The following PPP3R1 variants were observed in gnomAD, a reference collection of about 807,000 sequenced individuals.
PPP3R1 encodes calcineurin subunit B type 1.
A neutral mutation model predicts 22.6 loss-of-function variants in PPP3R1; 5 were observed. The observed-to-expected ratio is 0.22, with a 90% CI of 0.12 to 0.46. The LOEUF is 0.46. Ranked by LOEUF, PPP3R1 falls within the 20% of genes least tolerant of loss-of-function variation. PPP3R1 has a pLI of 0.99. For missense variants in PPP3R1, 61 were observed against 203.2 expected (o/e 0.30, Z 4.25); for synonymous variants, 56 against 65.2 (o/e 0.86, Z 0.68).
chr2:68,198,166 TATAC>T (rs1205642235), intron 2 of PPP3R1, among the ~76,000 whole-genome samples: 1 of 140,616 alleles, frequency 7.1e-6, no homozygotes, highest in Non-Finnish European at 1.5e-5. Flanking sequence ...TATGTAAATA[TATAC>T]ATACATGTAT....
chr2:68,203,313 A>AT (rs1360141892), intron 2 of PPP3R1, among the ~76,000 whole-genome samples: 4 of 152,208 alleles, frequency 2.6e-5, no homozygotes, highest in African/African-American at 9.6e-5. Context: ...AATAAATGGC[A>AT]TTTTAGGGCC....
chr2:68,232,980 T>C (rs190373549), intron 1 of PPP3R1, among the ~76,000 whole-genome samples: 1 of 152,352 alleles, frequency 6.6e-6, no homozygotes, highest in Admixed American at 6.5e-5. Flanking sequence ...TACTATCTAC[T>C]ATAATCTACT....
chr2:68,187,730 T>A (rs1018806140), intron 3 of PPP3R1, among the ~76,000 whole-genome samples: 1 of 152,222 alleles, frequency 6.6e-6, no homozygotes, highest in South Asian at 2.1e-4. Flanking sequence ...AGAAGTTTCA[T>A]GACAAATGAT....
chr2:68,205,175 T>C (rs1412406290), intron 2 of PPP3R1, among the ~76,000 whole-genome samples: 1 of 151,954 alleles, frequency 6.6e-6, no homozygotes, highest in African/African-American at 2.4e-5. Flanking sequence ...ATGTTATCTA[T>C]ATCCCACCCC....
Position 68,217,041 on chromosome 2 carries a change from G to GAC in PPP3R1, c.43+50_43+51insGT, listed in dbSNP as rs1558636778. 8 of 1,090,718 alleles carry GAC rather than the reference G, an allele frequency of 7.3e-6. No homozygotes were observed. The African/African-American group carries it at 1.6e-4, about 22-fold the overall frequency. 67.6% of individuals were successfully genotyped at this position (1,090,718 alleles called of 1,614,324 possible). ...ACACACACACACACACACACACACA[G>GAC]AGAGAGATGAGTGAATAAAAGTAAC... On this transcript the variant is annotated intron_variant, in intron 2 of 5. Transcript: ENST00000234310.
At chr2:68,197,911 T>C (rs1674823651) in intron 2 of PPP3R1, among the ~76,000 whole-genome samples, 1 of 151,696 alleles carries the variant, frequency 6.6e-6, no homozygotes, top group African/African-American at 2.4e-5. Flanking sequence ...CCTGTTTTCT[T>C]CTAGATGTTC....
chr2:68,230,341 T>C (rs1382120448), intron 1 of PPP3R1, among the ~76,000 whole-genome samples: 1 of 152,204 alleles, frequency 6.6e-6, no homozygotes, highest in South Asian at 2.1e-4. Flanking sequence ...AAACATTTTT[T>C]AAATTCCATT....
chr2:68,228,171 T>A (rs1187524714), intron 1 of PPP3R1, among the ~76,000 whole-genome samples: 1 of 152,176 alleles, frequency 6.6e-6, no homozygotes, highest in East Asian at 1.9e-4. Flanking sequence ...TTTTATTCTT[T>A]AGTCTATTAA....
intron 2 of PPP3R1, among the ~76,000 whole-genome samples, chr2:68,204,337 T>TATATATATATATTG (rs1553405712): frequency 2.5e-5 from 1 of 39,624 alleles, no homozygotes; most frequent in Non-Finnish European, 4.4e-5. Flanking sequence ...ACACACACAC[T>TATATATATATATTG]ATATATATAT....
At chr2:68,212,515 T>C (rs1293631633) in intron 2 of PPP3R1, among the ~76,000 whole-genome samples, 1 of 152,262 alleles carries the variant, frequency 6.6e-6, no homozygotes, top group Non-Finnish European at 1.5e-5. Flanking sequence ...CTCCATGGGC[T>C]ACAGAATGGA....
At chr2:68,228,282 A>G (rs1177172251) in intron 1 of PPP3R1, among the ~76,000 whole-genome samples, 1 of 151,236 alleles carries the variant, frequency 6.6e-6, no homozygotes, top group Non-Finnish European at 1.5e-5. Flanking sequence ...TATTAACTCT[A>G]TTTGTTAATG....
At chr2:68,191,294 C>A (rs1349390648) in intron 2 of PPP3R1, among the ~76,000 whole-genome samples, 1 of 152,178 alleles carries the variant, frequency 6.6e-6, no homozygotes, top group Non-Finnish European at 1.5e-5. Flanking sequence ...TCCTAGGCTA[C>A]AAAATCTGTA....
At chr2:68,182,401 T>C (rs979563322) in intron 5 of PPP3R1, among the ~76,000 whole-genome samples, 3 of 152,158 alleles carry the variant, frequency 2.0e-5, no homozygotes, top group Non-Finnish European at 4.4e-5. Context: ...TTGCACTATT[T>C]ACCTCCAGGT....
At chr2:68,241,797 T>G (rs1391437531) in intron 1 of PPP3R1, among the ~76,000 whole-genome samples, 3 of 150,092 alleles carry the variant, frequency 2.0e-5, no homozygotes, top group African/African-American at 5.0e-5. Flanking sequence ...TGAACCGAGA[T>G]TGCACCACTG....
chr2:68,209,358 C>CAA (rs777851469), intron 2 of PPP3R1, among the ~76,000 whole-genome samples: 696 of 41,652 alleles, frequency 0.017, 78 homozygotes, highest in Middle Eastern at 0.062. Flanking sequence ...GACTCTGTCT[C>CAA]AAAAAAAAAA....
chr2:68,232,230 T>TAC (rs1669928320), intron 1 of PPP3R1, among the ~76,000 whole-genome samples: 1 of 48,928 alleles, frequency 2.0e-5, no homozygotes, highest in African/African-American at 2.0e-4. Context: ...TATATGTGTG[T>TAC]GTGTGTGTGT....
chr2:68,225,695 T>C (rs557035826), intron 1 of PPP3R1, among the ~76,000 whole-genome samples: 4 of 152,334 alleles, frequency 2.6e-5, no homozygotes, highest in East Asian at 1.9e-4. Context: ...TCCAAACTTA[T>C]AGTGTATGCG....
At chr2:68,187,393 C>T in intron 3 of PPP3R1, 79 bp from the exon 4 acceptor site, 2 of 1,232,030 alleles carry the variant, frequency 1.6e-6, no homozygotes, top group Middle Eastern at 1.9e-4. Context: ...TACATACCCA[C>T]AAAAGGATAT....
intron 2 of PPP3R1, among the ~76,000 whole-genome samples, chr2:68,204,373 C>G (rs909020315): frequency 2.9e-5 from 1 of 34,416 alleles, no homozygotes. Context: ...TATCAGAATA[C>G]CTATGTCTTA....
Sources: gnomAD v4.1 joint callset for allele counts (sites outside exome capture counted in the v4.1 genomes callset) on GRCh38, gnomAD v4.1.1 for gene constraint, MANE v1.5 for transcripts, NCBI Gene and HGNC (gene_info 2026-07-23, HGNC 2026-07-21) for gene names.